HAAO: variants seen among roughly 807,000 people sequenced by gnomAD.
HAAO encodes 3-hydroxyanthranilate oxygenase.
A neutral mutation model predicts 46.2 loss-of-function variants in HAAO; 49 were observed. The observed-to-expected ratio is 1.06, with a 90% CI of 0.84 to 1.34. The LOEUF (loss-of-function observed/expected upper bound fraction) is 1.34, where lower values mean the gene tolerates loss of function less well. Ranked by LOEUF, HAAO falls within the 40% of genes most tolerant of loss-of-function variation. The pLI is 0.00. For missense variants in HAAO, 408 were observed against 364.5 expected (o/e 1.12, Z -0.97); for synonymous variants, 157 against 145.2 (o/e 1.08, Z -0.58).
At position 42,783,842 on chromosome 2, in the gene HAAO, A is replaced by G. The variant is rs1672196017; in HGVS notation, c.185T>C (p.Met62Thr). The change falls in exon 3 of 10, where the codon ATG becomes ACG. Residue 62 changes from methionine to threonine, a missense_variant. Met to Thr is a moderately conservative substitution (Grantham distance 81). Coordinates refer to ENST00000294973, the MANE Select transcript of HAAO (RefSeq NM_012205.3). ...EEVFYQLEGD[M>T]VLRVLEQGKH... ...CCCTTGCTCCAGGACTCGGAGAACC[A>G]TGTCTCCCTCCAGCTGGTAAAATAC... 6.2e-7 allele frequency: 1 copy of G among 1,612,192 alleles called. No homozygotes were observed. The highest frequency in any genetic ancestry group is 1.1e-5 in the South Asian group (1 of 90,526).
At chr2:42,779,309 A>G (rs1036916942) in intron 4 of HAAO, among the ~76,000 whole-genome samples, 1 of 148,490 alleles carries the variant, frequency 6.7e-6, no homozygotes, top group African/African-American at 2.5e-5. Context: ...TTTGAAAACT[A>G]TAGTTAATTG....
intron 8 of HAAO, 37 bp from the exon 9 acceptor site, chr2:42,767,714 T>G: frequency 6.4e-7 from 1 of 1,555,102 alleles, no homozygotes; most frequent in South Asian, 1.1e-5. Context: ...ATGGAGACTG[T>G]TGGGCCTCAT....
intron 8 of HAAO, 57 bp downstream of exon 8, chr2:42,767,803 G>C: frequency 6.3e-7 from 1 of 1,580,556 alleles, no homozygotes; most frequent in Non-Finnish European, 8.7e-7. Context: ...GGGCCGAGGA[G>C]CGGGCTGATG....
chr2:42,767,555 ACCC>A, intron 9 of HAAO, 37 bp downstream of exon 9: 1 of 1,587,934 alleles, frequency 6.3e-7, no homozygotes, highest in Non-Finnish European at 8.6e-7. Context: ...ACAGAGTTGG[ACCC>A]TGAGGATCCC....
intron 4 of HAAO, among the ~76,000 whole-genome samples, chr2:42,775,370 G>T (rs1389079578): frequency 6.6e-6 from 1 of 151,986 alleles, no homozygotes; most frequent in Non-Finnish European, 1.5e-5. Context: ...CATAAACAAG[G>T]CCACTTTTGC....
rs530541628 is a variant in HAAO, at chr2:42,772,933, C to CAA, written c.351-2353_351-2352dup. The stretch of plus-strand genomic sequence containing the variant: ...TGATAGATAGAGTGAGCCCCCATAT[C>CAA]AAAAAAAAAAAAAAAAAAAAACCCA... On this transcript the variant is annotated intron_variant, in intron 4 of 9. Transcript: ENST00000294973. Among the ~76,000 whole-genome samples, 287 of 92,444 alleles carry CAA rather than the reference C, an allele frequency of 3.1e-3. 1 individual carries two copies. Among genetic ancestry groups the CAA allele is most frequent in the African/African-American group, 9.4e-3 (250 of 26,616 alleles). 60.6% of individuals were successfully genotyped at this position (92,444 alleles called of 152,430 possible). A position where few individuals can be genotyped will look rare whatever the true frequency, so the allele number is the denominator to read the frequency against.
chr2:42,780,269 G>A (rs1006485862), intron 4 of HAAO, among the ~76,000 whole-genome samples: 30 of 150,096 alleles, frequency 2.0e-4, no homozygotes, highest in Non-Finnish European at 3.7e-4. Context: ...GTGCAGCGGT[G>A]CAATCTCGGC....
chr2:42,780,909 TA>T (rs1671942211), intron 4 of HAAO, among the ~76,000 whole-genome samples: 2 of 38,384 alleles, frequency 5.2e-5, no homozygotes, highest in Non-Finnish European at 9.1e-5. Context: ...CTACTAAAAA[TA>T]CAAAAAAAAA....
rs929627025 is a variant in HAAO, at chr2:42,767,784, G to A, written c.699+76C>T. ...AAGGCCCCAAGAGTGGGCCCCGTGT[G>A]GGAGCCCAGGGCCGAGGAGCGGGCT... is the stretch of plus-strand genomic sequence containing the variant. On this transcript the variant is annotated intron_variant, in intron 8 of 9. Transcript: ENST00000294973. 7.8e-6 allele frequency: 12 copies of A among 1,544,372 alleles called. No homozygotes were observed. In the African/African-American group the frequency reaches 1.5e-4, roughly 19 times the overall value.
At position 42,792,475 on chromosome 2, in the gene HAAO, G is replaced by GGTTGCAGAACC. The variant is rs1672878610; in HGVS notation, c.61_62insGGTTCTGCAAC (p.Pro21ArgfsTer97). On this transcript the variant is annotated frameshift_variant, in exon 1 of 10. Coordinates refer to ENST00000294973, the MANE Select transcript of HAAO (RefSeq NM_012205.3). LOFTEE classifies it high-confidence loss of function. Reference sequence around the variant, plus strand: ...GACTCACATGAGCTTGTTGCAGACCGGGGGCTGGAAGGAGCCCCGGTTCTC... The same window carrying GGTTGCAGAACC: ...GACTCACATGAGCTTGTTGCAGACCGGTTGCAGAACCGGGGCTGGAAGGAGCCCCGGTTCTC... 6.3e-7 allele frequency: 1 copy of GGTTGCAGAACC among 1,585,998 alleles called. No individual in the cohort carries two copies. The highest frequency in any genetic ancestry group is 8.6e-7 in the Non-Finnish European group (1 of 1,165,688).
At chr2:42,773,034 T>G (rs575490499) in intron 4 of HAAO, among the ~76,000 whole-genome samples, 1 of 151,522 alleles carries the variant, frequency 6.6e-6, no homozygotes, top group African/African-American at 2.4e-5. Flanking sequence ...AGGAAAAGAA[T>G]TGGGTGACTG....
chr2:42,780,211 A>AT lies in HAAO; in HGVS notation c.350+3102dup, dbSNP rs58338551. 2.2e-3 allele frequency among the ~76,000 whole-genome samples: 299 copies of AT among 137,700 alleles called. 1 individual carries two copies. The highest frequency in any genetic ancestry group is 0.011 in the Middle Eastern group (3 of 264). 90.3% of individuals were successfully genotyped at this position (137,700 alleles called of 152,430 possible). ...AGAACACAGGTGTTCTTTTTTTTTA[A>AT]TTTTTTTTTTTTTTTAAGATGGAGT... is the stretch of plus-strand genomic sequence containing the variant. On this transcript the variant is annotated intron_variant, in intron 4 of 9. Transcript: ENST00000294973.
At chr2:42,780,542 T>C (rs906133569) in intron 4 of HAAO, among the ~76,000 whole-genome samples, 1 of 151,852 alleles carries the variant, frequency 6.6e-6, no homozygotes, top group South Asian at 2.1e-4. Flanking sequence ...TCTGATAACT[T>C]TGGAGATTGT....
At chr2:42,783,242 C>T (rs1672142851) in intron 4 of HAAO, 72 bp downstream of exon 4, 1 of 899,470 alleles carries the variant, frequency 1.1e-6, no homozygotes, top group Non-Finnish European at 1.8e-6. Flanking sequence ...AGGATCCCTT[C>T]AGCTGCAGTT....
intron 4 of HAAO, among the ~76,000 whole-genome samples, chr2:42,781,300 CT>C (rs1476273532): frequency 6.6e-6 from 1 of 152,150 alleles, no homozygotes; most frequent in Non-Finnish European, 1.5e-5. Context: ...GAATGGTGTG[CT>C]TTCCTTTATT....
intron 1 of HAAO, among the ~76,000 whole-genome samples, chr2:42,790,964 G>A (rs1672755226): frequency 6.6e-6 from 1 of 152,106 alleles, no homozygotes; most frequent in African/African-American, 2.4e-5. Context: ...CCCCTCCTCT[G>A]CCCAGAACTC....
At chr2:42,773,838 C>A (rs767316588) in intron 4 of HAAO, among the ~76,000 whole-genome samples, 1 of 152,204 alleles carries the variant, frequency 6.6e-6, no homozygotes, top group Non-Finnish European at 1.5e-5. Flanking sequence ...GATCCACCCG[C>A]CTCGGCCTCC....
chr2:42,777,735 GTTAAA>G (rs751194683), intron 4 of HAAO, among the ~76,000 whole-genome samples: 9 of 151,742 alleles, frequency 5.9e-5, no homozygotes, highest in Non-Finnish European at 1.0e-4. Flanking sequence ...AGAATCTAAA[GTTAAA>G]TTAAATAATA....
chr2:42,783,859 G>T lies in HAAO; in HGVS notation c.168C>A (p.Tyr56Ter). The T allele has an allele frequency of 6.2e-7, 1 of 1,610,366 alleles. No homozygotes were observed. The highest frequency in any genetic ancestry group is 8.5e-7 in the Non-Finnish European group (1 of 1,178,348). Residue 56 changes from tyrosine (Y) to a stop codon, truncating the protein, a stop_gained, in exon 3 of 10, where the codon TAC (tyrosine) becomes TAA (stop). Transcript: ENST00000294973. LOFTEE classifies it high-confidence loss of function. The stretch of plus-strand genomic sequence containing the variant: ...GGAGAACCATGTCTCCCTCCAGCTG[G>T]TAAAATACCTGTGGGACAGGAGAGA... ...YHIEEGEEVFYQLEGDMVLRV... is the reference protein window; with the variant it reads ...YHIEEGEEVF
Sources: gnomAD v4.1 joint callset for allele counts (sites outside exome capture counted in the v4.1 genomes callset) on GRCh38, gnomAD v4.1.1 for gene constraint, MANE v1.5 for transcripts, NCBI Gene and HGNC (gene_info 2026-07-23, HGNC 2026-07-21) for gene names.